Variants in URGCP observed in about 807,000 individuals in gnomAD.
URGCP encodes the protein upregulator of cell proliferation, also known as up-regulator of cell proliferation.
In URGCP, 13 loss-of-function variants were observed where a neutral mutation model predicts 24.6. The ratio of observed to expected loss-of-function variants is 0.53; its 90% confidence interval spans 0.34 to 0.84. The LOEUF is 0.84. URGCP is among the 40% of genes least tolerant of loss of function. The probability of loss-of-function intolerance (pLI) is 0.01; values close to 1 mark genes in which losing one functional copy is unlikely to be tolerated. For missense variants in URGCP, 899 were observed against 1,194.3 expected (o/e 0.75, Z 3.64); for synonymous variants, 444 against 487.2 (o/e 0.91, Z 1.17).
At chr7:43,907,565 A>G (rs2095905470), upstream of URGCP, among the ~76,000 whole-genome samples, 1 of 152,128 alleles carries the variant, frequency 6.6e-6, no homozygotes, top group Non-Finnish European at 1.5e-5. Flanking sequence ...TATTAAGAAT[A>G]CAAGACAGCA....
At chr7:43,912,853 T>C (rs540689016) in intron 1 of URGCP, among the ~76,000 whole-genome samples, 1 of 128,972 alleles carries the variant, frequency 7.8e-6, no homozygotes, top group Non-Finnish European at 1.8e-5. Flanking sequence ...CTCCTTCAAT[T>C]TTTTTTTTTC....
At chr7:43,896,995 G>A (rs2095879613) in intron 1 of URGCP, among the ~76,000 whole-genome samples, 1 of 152,144 alleles carries the variant, frequency 6.6e-6, no homozygotes, top group Non-Finnish European at 1.5e-5. Flanking sequence ...AGGACACAAA[G>A]GTTCTGCTCT....
chr7:43,919,239 G>C (rs1356248287), intron 1 of URGCP: 2 of 838,764 alleles, frequency 2.4e-6, no homozygotes, highest in African/African-American at 3.3e-5. Flanking sequence ...GAGCAACGTG[G>C]TGGTCCAGCT....
At chr7:43,924,908 ACCACCATG>A (rs1371268900) in intron 1 of URGCP, among the ~76,000 whole-genome samples, 1 of 152,050 alleles carries the variant, frequency 6.6e-6, no homozygotes, top group East Asian at 1.9e-4. Context: ...ACAGGTGCAC[ACCACCATG>A]CCCAGCTAAG....
chr7:43,896,835 C>T (rs570133211), intron 1 of URGCP, among the ~76,000 whole-genome samples: 1 of 152,282 alleles, frequency 6.6e-6, no homozygotes, highest in South Asian at 2.1e-4. Flanking sequence ...ACATCTTAAG[C>T]AAAGTTCTCT....
upstream of URGCP, chr7:43,926,678 G>A (rs1292940817): frequency 1.9e-6 from 2 of 1,060,330 alleles, no homozygotes; most frequent in African/African-American, 3.3e-5. Flanking sequence ...ACCTGCCTGG[G>A]AAGGAGGCAG....
rs60736722 is a variant in URGCP, at chr7:43,925,798, C to CTTTTTTTTT, written c.-116+325_-116+333dup. 2.8e-3 allele frequency among the ~76,000 whole-genome samples: 332 copies of CTTTTTTTTT among 116,554 alleles called. 10 individuals carry two copies. Among genetic ancestry groups the CTTTTTTTTT allele is most frequent in the Non-Finnish European group, 4.5e-3 (266 of 58,620 alleles). The allele number at this position is 116,554 out of a possible 152,430, so 76.5% of individuals were successfully genotyped here. On this transcript the variant is annotated intron_variant, in intron 1 of 5. Transcript: ENST00000426198. ...TATAGGCGTGAGCCACCTCGTCTGGCTTTTTTTTTTTTTTTTTCAAAAAAA... is the reference window on the plus strand; with the variant it reads ...TATAGGCGTGAGCCACCTCGTCTGGCTTTTTTTTTTTTTTTTTTTTTTTTTTCAAAAAAA...
In URGCP at chr7:43,877,657, C is replaced by A. The variant is rs187978941; in HGVS notation, c.1806G>T (p.Val602=). 1,093 of 1,614,118 alleles carry A rather than the reference C, an allele frequency of 6.8e-4. 9 individuals are homozygous for A. In the African/African-American group the frequency reaches 0.011, roughly 16 times the overall value. The change falls in exon 6 of 6, where the codon GTG becomes GTT. Residue 602 remains valine (V), a synonymous_variant. Coordinates refer to ENST00000453200, the MANE Select transcript of URGCP (RefSeq NM_001077663.3). ...LRPKHGGTTD[V]GEPLWPEPLG... is the part of the protein sequence containing the mutation. ...GGGGCTCAGGCCAGAGCGGCTCCCC[C>A]ACGTCTGTGGTGCCCCCATGCTTTG...
Position 43,876,141 on chromosome 7 carries a change from C to T in URGCP, c.*526G>A, listed in dbSNP as rs1481150922. On this transcript the variant is annotated 3_prime_UTR_variant, in exon 6 of 6. Transcript: ENST00000453200. ...CTTCCTGGGCAGGGGTCAGGGAAGCCTTCACAGATCAGTCAATAAATACGG... is the reference window on the plus strand; with the variant it reads ...CTTCCTGGGCAGGGGTCAGGGAAGCTTTCACAGATCAGTCAATAAATACGG... The T allele has an allele frequency of 1.2e-5, 2 of 160,844 alleles. No homozygotes were observed. Among genetic ancestry groups the T allele is most frequent in the Non-Finnish European group, 2.7e-5 (2 of 73,218 alleles). 10.0% of individuals were successfully genotyped at this position (160,844 alleles called of 1,614,324 possible).
At chr7:43,913,190 T>C (rs2095911959) in intron 1 of URGCP, among the ~76,000 whole-genome samples, 1 of 151,894 alleles carries the variant, frequency 6.6e-6, no homozygotes, top group South Asian at 2.1e-4. Context: ...AGATATAAGA[T>C]TCTTGGTTGA....
At chr7:43,884,132 G>C (rs148463065) in intron 3 of URGCP, among the ~76,000 whole-genome samples, 126 of 152,302 alleles carry the variant, frequency 8.3e-4, no homozygotes, top group African/African-American at 2.9e-3. Context: ...AAATAGCTCT[G>C]ATGTGGATTT....
At chr7:43,899,046 A>G (rs1205046661) in intron 1 of URGCP, among the ~76,000 whole-genome samples, 1 of 149,904 alleles carries the variant, frequency 6.7e-6, no homozygotes, top group Non-Finnish European at 1.5e-5. Context: ...AGGCAGGACA[A>G]TCGCTTGATC....
chr7:43,877,675 A>G lies in URGCP; in HGVS notation c.1788T>C (p.His596=), dbSNP rs2232103. ...GCTCCCCCACGTCTGTGGTGCCCCC[A>G]TGCTTTGGTCTCAGGGTGAGAAGCG... The part of the protein sequence containing the change: ...PETLLTLRPK[H]GGTTDVGEPL... The change falls in exon 6 of 6, where the codon CAT becomes CAC. Residue 596 remains histidine (H), a synonymous_variant. Transcript: ENST00000453200. The G allele has an allele frequency of 0.69, 1,113,040 of 1,613,734 alleles. 385,697 individuals are homozygous for G. The highest frequency in any genetic ancestry group is 0.8 in the African/African-American group (59,909 of 74,966).
At chr7:43,880,534 C>CT (rs2095852259) in intron 5 of URGCP, among the ~76,000 whole-genome samples, 1 of 152,130 alleles carries the variant, frequency 6.6e-6, no homozygotes, top group South Asian at 2.1e-4. Flanking sequence ...CCTTGATCTC[C>CT]TAGGCTCAAG....
intron 1 of URGCP, among the ~76,000 whole-genome samples, chr7:43,901,562 A>G (rs2095890717): frequency 6.6e-6 from 1 of 152,268 alleles, no homozygotes; most frequent in Non-Finnish European, 1.5e-5. Flanking sequence ...AAGTCACAGC[A>G]GCTACTGAGC....
chr7:43,883,358 A>ATTTTTT lies in URGCP; in HGVS notation c.113-1402_113-1401insAAAAAA, dbSNP rs1490751876. ...TATACATATATATATATATATATAT[A>ATTTTTT]TATATTTTTTTTTTTTTTTTGAGAT... On this transcript the variant is annotated intron_variant, in intron 3 of 5. Coordinates refer to ENST00000453200, the MANE Select transcript of URGCP (RefSeq NM_001077663.3). Among the ~76,000 whole-genome samples the ATTTTTT allele has an allele frequency of 2.1e-3, 198 of 95,768 alleles. 1 individual carries two copies. The highest frequency in any genetic ancestry group is 3.2e-3 in the Non-Finnish European group (169 of 52,434). The allele number at this position is 95,768 out of a possible 152,430, so 62.8% of individuals were successfully genotyped here. A position where few individuals can be genotyped will look rare whatever the true frequency, so the allele number is the denominator to read the frequency against.
intron 1 of URGCP, among the ~76,000 whole-genome samples, chr7:43,913,353 C>T (rs573994372): frequency 2.5e-4 from 38 of 151,652 alleles, no homozygotes; most frequent in South Asian, 2.1e-3. Flanking sequence ...GGACTACAGG[C>T]GCCTGCCACC....
At chr7:43,925,836 C>A (rs1434160591) in intron 1 of URGCP, among the ~76,000 whole-genome samples, 1 of 127,500 alleles carries the variant, frequency 7.8e-6, no homozygotes, top group African/African-American at 2.9e-5. Context: ...TTGGTTGCAA[C>A]CTATTAAATT....
chr7:43,923,476 CAG>C (rs2095925119), intron 1 of URGCP, among the ~76,000 whole-genome samples: 2 of 152,028 alleles, frequency 1.3e-5, no homozygotes. Flanking sequence ...TCTGTAGAAT[CAG>C]GGGTTCGCTA....
Sources: gnomAD v4.1 joint callset for allele counts (sites outside exome capture counted in the v4.1 genomes callset) on GRCh38, gnomAD v4.1.1 for gene constraint, MANE v1.5 for transcripts, NCBI Gene and HGNC (gene_info 2026-07-23, HGNC 2026-07-21) for gene names.